WWOX: variants seen among roughly 807,000 people sequenced by gnomAD.
The protein encoded by WWOX is WW domain containing oxidoreductase.
A neutral mutation model predicts 46.2 loss-of-function variants in WWOX; 69 were observed. The observed-to-expected ratio is 1.49, with a 90% CI of 1.23 to 1.82. The LOEUF (loss-of-function observed/expected upper bound fraction) is 1.82. Among genes scored for constraint, WWOX ranks in the 40% most tolerant of loss-of-function variants. The pLI, the probability that WWOX is intolerant of heterozygous loss-of-function variation, is 0.00. For missense variants in WWOX, 919 were observed against 542.6 expected, an observed-to-expected ratio of 1.69 and a Z score of -6.89; for synonymous variants, 359 against 202.6, an observed-to-expected ratio of 1.77 and a Z score of -6.56.
In WWOX at chr16:78,135,858, C is replaced by A. The variant is rs146592802; in HGVS notation, c.409+20704C>A. ...ATGTACCTCTATGTGACTTTTGAGA[C>A]GTCTAGAATAGAGAATTCACCTTTG... On this transcript the variant is annotated intron_variant, in intron 4 of 8. Coordinates refer to ENST00000566780, the MANE Select transcript of WWOX (RefSeq NM_016373.4). Among the ~76,000 whole-genome samples the A allele has an allele frequency of 4.8e-4, 73 of 152,144 alleles. No homozygotes were observed. In the South Asian group the frequency reaches 6.8e-3, roughly 14 times the overall value.
chr16:79,181,990 C>G (rs1017047027), intron 8 of WWOX, among the ~76,000 whole-genome samples: 2 of 152,202 alleles, frequency 1.3e-5, no homozygotes, highest in African/African-American at 2.4e-5. Flanking sequence ...AACCTTCTGA[C>G]AATCCCGGGG....
intron 8 of WWOX, among the ~76,000 whole-genome samples, chr16:79,084,136 C>T (rs2048812256): frequency 6.6e-6 from 1 of 152,006 alleles, no homozygotes; most frequent in Non-Finnish European, 1.5e-5. Context: ...ATTGAGGAGA[C>T]CAAAGGAGGG....
intron 4 of WWOX, among the ~76,000 whole-genome samples, chr16:78,148,114 T>C (rs2034271190): frequency 6.6e-6 from 1 of 152,216 alleles, no homozygotes; most frequent in South Asian, 2.1e-4. Flanking sequence ...ATAGTGTGCT[T>C]ACAAATTCAG....
intron 5 of WWOX, among the ~76,000 whole-genome samples, chr16:78,343,985 T>C (rs2081057033): frequency 8.3e-6 from 1 of 120,070 alleles, no homozygotes. Context: ...CTTGCTCTTT[T>C]TCTGCCCCTC....
At chr16:78,658,144 A>T (rs1174755903) in intron 8 of WWOX, among the ~76,000 whole-genome samples, 1 of 152,128 alleles carries the variant, frequency 6.6e-6, no homozygotes, top group Non-Finnish European at 1.5e-5. Context: ...CTCAAGTCTC[A>T]AAATACCAAA....
chr16:79,074,790 A>G (rs2048623264), intron 8 of WWOX, among the ~76,000 whole-genome samples: 1 of 152,160 alleles, frequency 6.6e-6, no homozygotes, highest in Non-Finnish European at 1.5e-5. Flanking sequence ...TTGCAAAATC[A>G]AATGCTGATG....
At chr16:78,840,076 G>A (rs1259737150) in intron 8 of WWOX, among the ~76,000 whole-genome samples, 2 of 152,210 alleles carry the variant, frequency 1.3e-5, no homozygotes, top group African/African-American at 4.8e-5. Context: ...GTTAGCACAT[G>A]AGAACATGCT....
intron 8 of WWOX, among the ~76,000 whole-genome samples, chr16:79,025,110 G>C (rs544775257): frequency 7.8e-6 from 1 of 128,036 alleles, no homozygotes; most frequent in East Asian, 2.8e-4. Flanking sequence ...GAGTCAGGAA[G>C]GTGGGCTTGT....
chr16:78,406,105 C>T (rs751775230), intron 6 of WWOX, among the ~76,000 whole-genome samples: 4 of 151,570 alleles, frequency 2.6e-5, no homozygotes, highest in South Asian at 4.2e-4. Flanking sequence ...AGATGCCCTT[C>T]GTATTGTGTA....
intron 8 of WWOX, among the ~76,000 whole-genome samples, chr16:79,021,603 C>T (rs573906730): frequency 1.3e-5 from 2 of 152,304 alleles, no homozygotes; most frequent in South Asian, 2.1e-4. Flanking sequence ...TTGGAAATAG[C>T]TGCGACTCTC....
chr16:78,719,457 TG>T (rs1175394065), intron 8 of WWOX, among the ~76,000 whole-genome samples: 1 of 152,236 alleles, frequency 6.6e-6, no homozygotes, highest in African/African-American at 2.4e-5. Flanking sequence ...ACATGTGCAC[TG>T]AAAAAGTCGA....
At position 78,513,901 on chromosome 16, in the gene WWOX, C is replaced by A. The variant is rs1877285; in HGVS notation, c.1056+81149C>A. On this transcript the variant is annotated intron_variant, in intron 8 of 8. Transcript: ENST00000566780. ...TTATATTACAGTTCCCACTCCCCCC[C>A]CCCCCACTTGTATCACTTTGTATGA... Among the ~76,000 whole-genome samples, 14 of 134,544 alleles carry A rather than the reference C, an allele frequency of 1.0e-4. No individual in the cohort carries two copies. The East Asian group carries it at 2.1e-3, about 20-fold the overall frequency. The allele number at this position is 134,544 out of a possible 152,430, so 88.3% of individuals were successfully genotyped here.
chr16:79,127,574 C>A (rs1034916906), intron 8 of WWOX, among the ~76,000 whole-genome samples: 1 of 152,154 alleles, frequency 6.6e-6, no homozygotes, highest in African/African-American at 2.4e-5. Flanking sequence ...CAACGTGTAA[C>A]CTTGCACCGA....
intron 8 of WWOX, among the ~76,000 whole-genome samples, chr16:78,616,502 C>A (rs777855054): frequency 4.0e-5 from 6 of 149,970 alleles, no homozygotes; most frequent in Non-Finnish European, 8.9e-5. Context: ...TGGCTCACAC[C>A]TGTAATCCCA....
At chr16:78,980,251 G>C (rs1391304839) in intron 8 of WWOX, among the ~76,000 whole-genome samples, 1 of 152,178 alleles carries the variant, frequency 6.6e-6, no homozygotes, top group African/African-American at 2.4e-5. Context: ...TGTGAAGTTG[G>C]CTGTGTGAGC....
At chr16:78,307,687 G>C (rs776731823) in intron 5 of WWOX, among the ~76,000 whole-genome samples, 4 of 152,182 alleles carry the variant, frequency 2.6e-5, no homozygotes, top group Non-Finnish European at 5.9e-5. Context: ...ATGGTTATTT[G>C]TTAGAGCAGT....
chr16:78,638,861 T>C (rs769053040), intron 8 of WWOX, among the ~76,000 whole-genome samples: 70 of 152,276 alleles, frequency 4.6e-4, no homozygotes, highest in Non-Finnish European at 9.4e-4. Context: ...ATTTTTTTTT[T>C]CTTCTATTTG....
chr16:78,262,393 G>T (rs1327488471), intron 5 of WWOX, among the ~76,000 whole-genome samples: 4 of 152,142 alleles, frequency 2.6e-5, no homozygotes, highest in Non-Finnish European at 5.9e-5. Flanking sequence ...TTGCTCTCAA[G>T]GGACCTTCAG....
intron 8 of WWOX, among the ~76,000 whole-genome samples, chr16:79,050,135 C>T (rs950276018): frequency 6.6e-5 from 10 of 152,138 alleles, no homozygotes; most frequent in Non-Finnish European, 1.3e-4. Flanking sequence ...GAGTGGCTCA[C>T]GGCAATCAGT....
Sources: allele counts gnomAD v4.1 joint callset (sites outside exome capture counted in the v4.1 genomes callset), GRCh38; gene constraint gnomAD v4.1.1; transcripts MANE v1.5; gene names NCBI Gene and HGNC (gene_info 2026-07-23, HGNC 2026-07-21).